Variants in SYNDIG1L observed in about 807,000 individuals in gnomAD.
SYNDIG1L encodes the protein synapse differentiation inducing 1 like.
In SYNDIG1L, 13 loss-of-function variants were observed where a neutral mutation model predicts 20.1. That is an observed-to-expected ratio of 0.65 (90% CI 0.42 to 1.03). The LOEUF (loss-of-function observed/expected upper bound fraction) is 1.03. Ranked by LOEUF, SYNDIG1L falls within the 50% of genes least tolerant of loss-of-function variation. The probability of loss-of-function intolerance (pLI) is 0.00; values close to 1 mark genes in which losing one functional copy is unlikely to be tolerated. For missense variants in SYNDIG1L, 294 were observed against 305.1 expected, an observed-to-expected ratio of 0.96 and a Z score of 0.27; for synonymous variants, 128 against 129.3, an observed-to-expected ratio of 0.99 and a Z score of 0.07.
At chr14:74,418,677 T>G (rs928293238) in intron 1 of SYNDIG1L, among the ~76,000 whole-genome samples, 26 of 152,202 alleles carry the variant, frequency 1.7e-4, no homozygotes, top group Non-Finnish European at 4.4e-5. Flanking sequence ...CCTTGCTCAC[T>G]GGAACACTCG....
the SYNDIG1L span, among the ~76,000 whole-genome samples, chr14:74,462,884 T>C: frequency 6.6e-6 from 1 of 152,270 alleles, no homozygotes; most frequent in African/African-American, 2.4e-5. Flanking sequence ...CCCTCATGGG[T>C]CAAGGAGCAA....
chr14:74,444,130 C>T, the SYNDIG1L span, among the ~76,000 whole-genome samples: 99 of 152,044 alleles, frequency 6.5e-4, 2 homozygotes, highest in East Asian at 0.016. Context: ...TGTAATGGCG[C>T]GATCTCAGTT....
At chr14:74,424,831 T>C (rs190161066) in intron 1 of SYNDIG1L, among the ~76,000 whole-genome samples, 24 of 152,256 alleles carry the variant, frequency 1.6e-4, no homozygotes, top group East Asian at 1.4e-3. Context: ...TTGTTTTTCA[T>C]TGGGCCCCAA....
chr14:74,455,900 T>C, the SYNDIG1L span, among the ~76,000 whole-genome samples: 1 of 152,192 alleles, frequency 6.6e-6, no homozygotes, highest in Non-Finnish European at 1.5e-5. Flanking sequence ...TTCCTCTTTC[T>C]CTGGAGAGAG....
At position 74,406,112 on chromosome 14, in the gene SYNDIG1L, G is replaced by C. The variant is rs1229903564; in HGVS notation, c.*1423C>G. ...TGCACAGCAGGGGCCTGTAGCTTGA[G>C]TCCAGACAGGCCTGCCCACATTGGT... On this transcript the variant is annotated 3_prime_UTR_variant, in exon 4 of 4. Transcript: ENST00000331628. The C allele has an allele frequency of 5.0e-6, 2 of 398,556 alleles. No individual in the cohort carries two copies. The highest frequency in any genetic ancestry group is 4.1e-5 in the African/African-American group (2 of 48,600). 24.7% of individuals were successfully genotyped at this position (398,556 alleles called of 1,614,324 possible).
the SYNDIG1L span, among the ~76,000 whole-genome samples, chr14:74,463,962 C>T: frequency 7.5e-6 from 1 of 134,228 alleles, no homozygotes; most frequent in African/African-American, 2.8e-5. Flanking sequence ...CTCACCAAGC[C>T]TCAGGATCTA....
the SYNDIG1L span, among the ~76,000 whole-genome samples, chr14:74,477,419 C>T: frequency 6.6e-6 from 1 of 152,072 alleles, no homozygotes; most frequent in Non-Finnish European, 1.5e-5. Context: ...TCAAGCCACT[C>T]TTCCTATGTC....
rs2086090981 is a variant in SYNDIG1L at position 74,407,316 on chromosome 14, TAG to T, written c.*217_*218del. The T allele has an allele frequency of 6.2e-6, 4 of 647,474 alleles. No individual in the cohort carries two copies. Among genetic ancestry groups the T allele is most frequent in the Non-Finnish European group, 1.0e-5 (4 of 382,976 alleles). The allele number at this position is 647,474 out of a possible 1,614,324, so 40.1% of individuals were successfully genotyped here. ...TCTGTTTCCCGTCTGTAGCCTGGGTTAGAGAGTGGCGCCCCGGGCCCTGCTCT... is the reference window on the plus strand; with the variant it reads ...TCTGTTTCCCGTCTGTAGCCTGGGTTAGAGTGGCGCCCCGGGCCCTGCTCT... On this transcript the variant is annotated 3_prime_UTR_variant, in exon 4 of 4. Transcript: ENST00000331628.
the SYNDIG1L span, among the ~76,000 whole-genome samples, chr14:74,452,718 G>C: frequency 3.9e-5 from 6 of 152,164 alleles, no homozygotes; most frequent in African/African-American, 1.4e-4. Context: ...ACATAATCTA[G>C]CCATTACATT....
Position 74,407,590 on chromosome 14 carries a change from T to A in SYNDIG1L, c.662A>T (p.Tyr221Phe). 6.2e-7 allele frequency: 1 copy of A among 1,614,088 alleles called. No individual in the cohort carries two copies. Among genetic ancestry groups the A allele is most frequent in the South Asian group, 1.1e-5 (1 of 91,076 alleles). ...TLAIAVGAGL[Y>F]VAVVVALAAY... is the part of the protein sequence containing the mutation. ...TGCCAGAGCCACCACCACAGCCACG[T>A]AGAGACCGGCCCCCACGGCGATGGC... The change falls in exon 4 of 4, where the codon TAC (tyrosine) becomes TTC (phenylalanine). Residue 221 changes from tyrosine to phenylalanine, a missense_variant. Physicochemically the swap from Tyr to Phe is conservative, Grantham distance 22. Coordinates refer to ENST00000331628, the MANE Select transcript of SYNDIG1L (RefSeq NM_001105579.2).
the SYNDIG1L span, chr14:74,479,253 A>G: frequency 1.3e-5 from 2 of 152,246 alleles, no homozygotes; most frequent in African/African-American, 4.8e-5. Context: ...TCACAGACCA[A>G]AGAAATCCAA....
chr14:74,407,404 G>T lies in SYNDIG1L; in HGVS notation c.*131C>A. On this transcript the variant is annotated 3_prime_UTR_variant, in exon 4 of 4. Coordinates refer to ENST00000331628, the MANE Select transcript of SYNDIG1L (RefSeq NM_001105579.2). ...TGAGCTCTGCAGGCTGTGGAATGGG[G>T]GTCTCCCCCTCAGCAAGCCACTCTC... is the stretch of plus-strand genomic sequence containing the variant. 7.7e-7 allele frequency: 1 copy of T among 1,294,282 alleles called. No homozygotes were observed. The highest frequency in any genetic ancestry group is 1.1e-6 in the Non-Finnish European group (1 of 938,636). 80.2% of individuals were successfully genotyped at this position (1,294,282 alleles called of 1,614,324 possible). A position where few individuals can be genotyped will look rare whatever the true frequency, so the allele number is the denominator to read the frequency against.
chr14:74,472,281 C>T, the SYNDIG1L span: 1 of 152,216 alleles, frequency 6.6e-6, no homozygotes, highest in African/African-American at 2.4e-5. Flanking sequence ...GGACACCCCT[C>T]CCCTGGCTTT....
chr14:74,449,982 T>C, the SYNDIG1L span, among the ~76,000 whole-genome samples: 3 of 151,604 alleles, frequency 2.0e-5, no homozygotes, highest in Non-Finnish European at 4.4e-5. Context: ...CTAGACTGAG[T>C]AGGAAAAAAA....
the SYNDIG1L span, among the ~76,000 whole-genome samples, chr14:74,444,223 C>A: frequency 3.3e-5 from 5 of 151,988 alleles, no homozygotes; most frequent in African/African-American, 1.2e-4. Flanking sequence ...CCACACCTGG[C>A]TAATTTTTGT....
At chr14:74,427,118 CTT>C (rs34437070), upstream of SYNDIG1L, among the ~76,000 whole-genome samples, 15 of 116,748 alleles carry the variant, frequency 1.3e-4, no homozygotes, top group Admixed American at 1.9e-4. Flanking sequence ...CCTGCGTTTC[CTT>C]TTTTTTTTTT....
chr14:74,426,325 C>A (rs370577414), upstream of SYNDIG1L, among the ~76,000 whole-genome samples: 132 of 152,216 alleles, frequency 8.7e-4, 3 homozygotes, highest in South Asian at 5.8e-3. Flanking sequence ...CCAGGCACTC[C>A]GGACCCGGCT....
At chr14:74,413,702 T>G (rs904587724) in intron 1 of SYNDIG1L, among the ~76,000 whole-genome samples, 3 of 152,038 alleles carry the variant, frequency 2.0e-5, no homozygotes, top group African/African-American at 4.8e-5. Flanking sequence ...GTTTAAAACC[T>G]CCTTAGGCTG....
rs531830604 is a variant in SYNDIG1L at position 74,424,596 on chromosome 14, G to A, written c.-58+1316C>T. On this transcript the variant is annotated intron_variant, in intron 1 of 3. Transcript: ENST00000331628. ...GGTGATGATGGAAGAGGAGAAGAAG[G>A]GAGGGCACACTTTTTTCTCCTTAAG... Among the ~76,000 whole-genome samples the A allele has an allele frequency of 2.5e-3, 385 of 152,272 alleles. 1 individual carries two copies. Among genetic ancestry groups the A allele is most frequent in the African/African-American group, 8.9e-3 (368 of 41,544 alleles).
Sources: allele counts gnomAD v4.1 joint callset (sites outside exome capture counted in the v4.1 genomes callset), GRCh38; gene constraint gnomAD v4.1.1; transcripts MANE v1.5; gene names NCBI Gene and HGNC (gene_info 2026-07-23, HGNC 2026-07-21).